The following GRM5 variants were observed in gnomAD, a reference collection of about 807,000 sequenced individuals.
GRM5 encodes the protein glutamate metabotropic receptor 5, also known as metabotropic glutamate receptor 5.
GRM5 carries 19 observed loss-of-function variants against 83.1 expected under a neutral mutation model. The ratio of observed to expected loss-of-function variants is 0.23; its 90% CI spans 0.16 to 0.34. The LOEUF (loss-of-function observed/expected upper bound fraction) is 0.34. Ranked by LOEUF, GRM5 falls within the 10% of genes least tolerant of loss-of-function variation. The pLI, the probability that GRM5 is intolerant of heterozygous loss-of-function variation, is 1.00. For missense variants in GRM5, 1,160 were observed against 1,588.3 expected (o/e 0.73, Z 4.58); for synonymous variants, 675 against 633.6 (o/e 1.07, Z -0.98).
At position 89,065,909 on chromosome 11, in the gene GRM5, C is replaced by CT. The variant is rs1438514748; in HGVS notation, c.-335dup. 1 of 152,170 alleles carries CT rather than the reference C, an allele frequency of 6.6e-6. No individual in the cohort carries two copies. The highest frequency in any genetic ancestry group is 6.5e-5 in the Admixed American group (1 of 15,284). The allele number at this position is 152,170 out of a possible 1,614,324, so 9.4% of individuals were successfully genotyped here. Reference sequence around the variant, plus strand: ...GCAGCGGTGACAGCAGGCAGAACGGCTGCGGGGCCCGCGGCGGTGGCGCTC... The same window carrying CT: ...GCAGCGGTGACAGCAGGCAGAACGGCTTGCGGGGCCCGCGGCGGTGGCGCTC... On this transcript the variant is annotated 5_prime_UTR_variant, in exon 1 of 10. Coordinates refer to ENST00000305447, the MANE Select transcript of GRM5 (RefSeq NM_001143831.3).
At chr11:88,703,635 G>A (rs1008603125) in intron 3 of GRM5, among the ~76,000 whole-genome samples, 1 of 151,942 alleles carries the variant, frequency 6.6e-6, no homozygotes, top group Non-Finnish European at 1.5e-5. Flanking sequence ...CATAGGGGCG[G>A]TTACCCTCAC....
At chr11:88,934,972 A>G (rs518167) in intron 2 of GRM5, among the ~76,000 whole-genome samples, 142,177 of 151,920 alleles carry the variant, frequency 0.94, 66,859 homozygotes, top group East Asian at 0.99. Flanking sequence ...ATACCTGTCA[A>G]TTGCCTACTG....
At chr11:88,900,001 G>A (rs1935499021) in intron 2 of GRM5, among the ~76,000 whole-genome samples, 1 of 152,028 alleles carries the variant, frequency 6.6e-6, no homozygotes, top group Non-Finnish European at 1.5e-5. Context: ...GGAATAACTA[G>A]TTAGATATGG....
intron 2 of GRM5, among the ~76,000 whole-genome samples, chr11:88,905,251 G>A (rs1169362507): frequency 2.0e-5 from 3 of 152,144 alleles, no homozygotes; most frequent in Non-Finnish European, 2.9e-5. Flanking sequence ...ATTGATGAGG[G>A]GTCGGAAAGC....
intron 2 of GRM5, among the ~76,000 whole-genome samples, chr11:88,920,912 A>G (rs902811664): frequency 2.6e-5 from 4 of 152,198 alleles, no homozygotes; most frequent in Non-Finnish European, 4.4e-5. Flanking sequence ...AAAGTGCTAC[A>G]TAAGTGTATG....
chr11:88,593,687 A>AG (rs1555075003), intron 6 of GRM5, among the ~76,000 whole-genome samples: 1 of 149,978 alleles, frequency 6.7e-6, no homozygotes, highest in Non-Finnish European at 1.5e-5. Flanking sequence ...AAAAAAAAAA[A>AG]CAAAAAATTC....
At chr11:88,814,002 A>G (rs1420034279) in intron 3 of GRM5, among the ~76,000 whole-genome samples, 1 of 152,162 alleles carries the variant, frequency 6.6e-6, no homozygotes, top group Non-Finnish European at 1.5e-5. Flanking sequence ...TGCTTATTGG[A>G]TGTAATAGTA....
At chr11:88,660,830 A>C (rs145128687) in intron 3 of GRM5, among the ~76,000 whole-genome samples, 1 of 152,192 alleles carries the variant, frequency 6.6e-6, no homozygotes. Flanking sequence ...ACAGAGTGCC[A>C]TTCTTTTAAC....
intron 2 of GRM5, among the ~76,000 whole-genome samples, chr11:89,030,937 A>C (rs184447357): frequency 8.0e-4 from 122 of 152,182 alleles, no homozygotes; most frequent in African/African-American, 2.8e-3. Context: ...TTATCCAATT[A>C]GATGATTTAA....
intron 1 of GRM5, among the ~76,000 whole-genome samples, chr11:89,058,494 G>A (rs145813505): frequency 5.3e-5 from 8 of 152,266 alleles, no homozygotes; most frequent in African/African-American, 1.9e-4. Context: ...ATCCTGGCAA[G>A]ATCGACATAG....
intron 2 of GRM5, among the ~76,000 whole-genome samples, chr11:88,878,346 G>C (rs1043377932): frequency 1.3e-5 from 2 of 152,066 alleles, no homozygotes; most frequent in South Asian, 2.1e-4. Context: ...TTCACATAGA[G>C]AGGAAACAGA....
At chr11:88,607,961 A>T (rs1938205213) in intron 4 of GRM5, among the ~76,000 whole-genome samples, 1 of 152,234 alleles carries the variant, frequency 6.6e-6, no homozygotes. Context: ...GCTCTGTTTC[A>T]GTCTCACCAG....
intron 4 of GRM5, among the ~76,000 whole-genome samples, chr11:88,614,704 C>A (rs146359366): frequency 6.8e-4 from 104 of 152,256 alleles, no homozygotes; most frequent in African/African-American, 2.4e-3. Context: ...TTGCATGTAT[C>A]TGATATGTGC....
At chr11:88,605,982 C>T (rs1246971690) in intron 4 of GRM5, among the ~76,000 whole-genome samples, 2 of 152,158 alleles carry the variant, frequency 1.3e-5, no homozygotes, top group African/African-American at 4.8e-5. Flanking sequence ...TTGATAAGTA[C>T]TGAGACAGGA....
Position 88,509,167 on chromosome 11 carries a change from T to A in GRM5, c.3064A>T (p.Ile1022Phe). 6.5e-7 allele frequency: 1 copy of A among 1,537,034 alleles called. No individual in the cohort carries two copies. Among genetic ancestry groups the A allele is most frequent in the East Asian group, 2.5e-5 (1 of 40,106 alleles). ...APARPRSPSP[I>F]STLSHRAGSA... The stretch of plus-strand genomic sequence containing the variant: ...CCCGCGCGGTGGCTCAGCGTGCTGA[T>A]GGGCGACGGTGAGCGCGGCCGCGCG... The change falls in exon 10 of 10, where the codon ATC (isoleucine) becomes TTC (phenylalanine). Residue 1022 changes from isoleucine to phenylalanine, a missense_variant. Physicochemically the swap from Ile to Phe is conservative, Grantham distance 21 (BLOSUM62 0). Coordinates refer to ENST00000305447, the MANE Select transcript of GRM5 (RefSeq NM_001143831.3).
intron 3 of GRM5, among the ~76,000 whole-genome samples, chr11:88,689,841 C>A (rs1389534567): frequency 6.6e-6 from 1 of 152,180 alleles, no homozygotes; most frequent in Non-Finnish European, 1.5e-5. Flanking sequence ...CCAGCAGACA[C>A]TATCTAAGAC....
intron 4 of GRM5, among the ~76,000 whole-genome samples, chr11:88,632,324 G>A (rs1214749823): frequency 7.5e-6 from 1 of 134,130 alleles, no homozygotes; most frequent in African/African-American, 2.8e-5. Context: ...CTAGCTCACT[G>A]CAGGCTTAAG....
chr11:88,982,239 A>G (rs1189476313), intron 2 of GRM5, among the ~76,000 whole-genome samples: 1 of 152,226 alleles, frequency 6.6e-6, no homozygotes, highest in Non-Finnish European at 1.5e-5. Flanking sequence ...AAAACATTCA[A>G]TGTCACTGCA....
At position 88,567,773 on chromosome 11, in the gene GRM5, G is replaced by C; in HGVS notation, c.1910C>G (p.Ala637Gly). 1 of 1,613,880 alleles carries C rather than the reference G, an allele frequency of 6.2e-7. No homozygotes were observed. The highest frequency in any genetic ancestry group is 8.5e-7 in the Non-Finnish European group (1 of 1,179,796). The change falls in exon 8 of 10, where the codon GCG (alanine) becomes GGG (glycine). Residue 637 changes from alanine to glycine, a missense_variant. This residue lies in a region of GRM5 where 132 missense variants were observed against 245.5 expected (regional missense o/e 0.54). Transcript: ENST00000305447. The surrounding 1 kb of genome is among the most constrained non-coding windows in gnomAD (Gnocchi z 7.3). ...GTAGCAGTAAATCTGTTTGGGCTTCGCAATGAGGCAGAAGGTACATAAGTA... is the reference window on the plus strand; with the variant it reads ...GTAGCAGTAAATCTGTTTGGGCTTCCCAATGAGGCAGAAGGTACATAAGTA... Reference protein sequence around the residue: ...LGYLCTFCLIAKPKQIYCYLQ... With the variant: ...LGYLCTFCLIGKPKQIYCYLQ...
Sources: allele counts gnomAD v4.1 joint callset (sites outside exome capture counted in the v4.1 genomes callset), GRCh38; gene constraint gnomAD v4.1.1; regional missense constraint gnomAD v4.1.1; non-coding constraint Gnocchi (gnomAD v3.1); transcripts MANE v1.5; gene names NCBI Gene and HGNC (gene_info 2026-07-23, HGNC 2026-07-21).